SDCCAG8: variants seen among roughly 807,000 people sequenced by gnomAD.
SDCCAG8 encodes the protein SHH signaling and ciliogenesis regulator SDCCAG8, also known as serologically defined colon cancer antigen 8.
SDCCAG8 carries 74 observed loss-of-function variants against 101.8 expected under a neutral mutation model. The ratio of observed to expected loss-of-function variants is 0.73; its 90% CI spans 0.60 to 0.88. The LOEUF (loss-of-function observed/expected upper bound fraction) is 0.88, where lower values mean the gene tolerates loss of function less well. Ranked by LOEUF, SDCCAG8 falls within the 40% of genes least tolerant of loss-of-function variation. The pLI, the probability that SDCCAG8 is intolerant of heterozygous loss-of-function variation, is 0.00. For synonymous variants in SDCCAG8, 281 were observed against 292.9 expected, an observed-to-expected ratio of 0.96 and a Z score of 0.41; for missense variants, 787 against 822.6, an observed-to-expected ratio of 0.96 and a Z score of 0.53.
chr1:243,267,951 A>C, intron 1 of SDCCAG8: 1 of 788,590 alleles, frequency 1.3e-6, no homozygotes, highest in Non-Finnish European at 2.4e-6. Flanking sequence ...TTATATTGGC[A>C]AAATAATCAG....
intron 16 of SDCCAG8, among the ~76,000 whole-genome samples, chr1:243,450,598 G>A (rs935414406): frequency 1.3e-5 from 2 of 152,170 alleles, no homozygotes; most frequent in African/African-American, 4.8e-5. Context: ...TGAGTGGACA[G>A]CATAGGGTAT....
intron 17 of SDCCAG8, among the ~76,000 whole-genome samples, chr1:243,489,839 G>C (rs1665945452): frequency 6.6e-6 from 1 of 152,186 alleles, no homozygotes; most frequent in Admixed American, 6.5e-5. Flanking sequence ...GGTTAGATCC[G>C]GGGCCACCAG....
chr1:243,339,053 G>A (rs547443000), intron 10 of SDCCAG8: 8 of 141,994 alleles, frequency 5.6e-5, no homozygotes, highest in African/African-American at 1.9e-4. Flanking sequence ...AAAGTGGGGT[G>A]GGCGGCAGGA....
intron 13 of SDCCAG8, among the ~76,000 whole-genome samples, 181 bp from the exon 14 acceptor site, chr1:243,415,521 A>T (rs936554958): frequency 6.6e-6 from 1 of 152,202 alleles, no homozygotes; most frequent in African/African-American, 2.4e-5. Flanking sequence ...CACGTATTTA[A>T]CACTGTATGG....
At chr1:243,277,362 T>C (rs995109989) in intron 4 of SDCCAG8, among the ~76,000 whole-genome samples, 1 of 152,224 alleles carries the variant, frequency 6.6e-6, no homozygotes, top group Non-Finnish European at 1.5e-5. Context: ...TGGAACCTCA[T>C]TGCTGTTTTA....
intron 9 of SDCCAG8, among the ~76,000 whole-genome samples, chr1:243,323,205 C>T (rs1347376112): frequency 6.6e-6 from 1 of 151,840 alleles, no homozygotes; most frequent in Non-Finnish European, 1.5e-5. Flanking sequence ...GTTGTAGGTA[C>T]TGTTGAACAA....
intron 13 of SDCCAG8, among the ~76,000 whole-genome samples, chr1:243,385,703 C>T (rs1314695064): frequency 1.3e-5 from 2 of 152,102 alleles, no homozygotes; most frequent in Non-Finnish European, 2.9e-5. Flanking sequence ...GGCACGGTGG[C>T]TCATGCCTGT....
intron 12 of SDCCAG8, among the ~76,000 whole-genome samples, chr1:243,350,210 T>C (rs762706556): frequency 1.3e-5 from 2 of 151,982 alleles, no homozygotes; most frequent in African/African-American, 2.4e-5. Flanking sequence ...AGTCCTTTTT[T>C]CTTTCTTTTT....
chr1:243,447,842 G>C (rs1232139508), intron 16 of SDCCAG8, among the ~76,000 whole-genome samples: 1 of 152,088 alleles, frequency 6.6e-6, no homozygotes, highest in African/African-American at 2.4e-5. Flanking sequence ...GAAGGGTAAG[G>C]GGATATGGTG....
intron 16 of SDCCAG8, among the ~76,000 whole-genome samples, chr1:243,486,727 C>T (rs1664962610): frequency 6.6e-6 from 1 of 152,220 alleles, no homozygotes; most frequent in Non-Finnish European, 1.5e-5. Flanking sequence ...GCCCATCGGT[C>T]CAAAGGACCA....
chr1:243,404,743 C>CGTA (rs2079641868), intron 13 of SDCCAG8, among the ~76,000 whole-genome samples: 1 of 152,104 alleles, frequency 6.6e-6, no homozygotes, highest in Non-Finnish European at 1.5e-5. Flanking sequence ...AGAATACAGC[C>CGTA]GTAATTTCTG....
At chr1:243,434,858 G>A (rs1322864263) in intron 16 of SDCCAG8, among the ~76,000 whole-genome samples, 2 of 152,176 alleles carry the variant, frequency 1.3e-5, no homozygotes, top group African/African-American at 4.8e-5. Flanking sequence ...AAAGCAGGCT[G>A]TGCATTTACC....
intron 16 of SDCCAG8, among the ~76,000 whole-genome samples, chr1:243,461,457 C>T (rs973613552): frequency 2.0e-5 from 3 of 152,052 alleles, no homozygotes; most frequent in Non-Finnish European, 4.4e-5. Flanking sequence ...GCTTTAATTC[C>T]GCAGCATGGT....
chr1:243,385,518 G>A (rs1356818602), intron 13 of SDCCAG8, among the ~76,000 whole-genome samples: 2 of 152,206 alleles, frequency 1.3e-5, no homozygotes, highest in Non-Finnish European at 2.9e-5. Context: ...ACTGATTTTG[G>A]TAGGATTTGG....
At chr1:243,328,891 G>A (rs985076549) in intron 9 of SDCCAG8, among the ~76,000 whole-genome samples, 2 of 152,156 alleles carry the variant, frequency 1.3e-5, no homozygotes, top group Non-Finnish European at 2.9e-5. Flanking sequence ...CTCTTCTGCT[G>A]TTCCTATACT....
At chr1:243,262,980 A>G (rs2067303914) in intron 1 of SDCCAG8, among the ~76,000 whole-genome samples, 1 of 152,248 alleles carries the variant, frequency 6.6e-6, no homozygotes, top group African/African-American at 2.4e-5. Flanking sequence ...TCTGATAGAT[A>G]TAACACCTAT....
At chr1:243,267,605 G>GAAA (rs113992307) in intron 1 of SDCCAG8, 224 of 459,602 alleles carry the variant, frequency 4.9e-4, no homozygotes, top group Middle Eastern at 6.2e-4. Flanking sequence ...TCCCTCTCAA[G>GAAA]AAAAAAAAAA....
At chr1:243,334,546 A>T (rs1221894976) in intron 10 of SDCCAG8, among the ~76,000 whole-genome samples, 1 of 151,942 alleles carries the variant, frequency 6.6e-6, no homozygotes, top group East Asian at 1.9e-4. Flanking sequence ...TGCCTAGAGG[A>T]GTCTTCCTCT....
intron 13 of SDCCAG8, among the ~76,000 whole-genome samples, chr1:243,395,766 T>C (rs1267503646): frequency 6.6e-6 from 1 of 152,124 alleles, no homozygotes; most frequent in Non-Finnish European, 1.5e-5. Flanking sequence ...ATTATAACTG[T>C]TTAATCAGTC....
Sources: gnomAD v4.1 joint callset for allele counts (sites outside exome capture counted in the v4.1 genomes callset) on GRCh38, gnomAD v4.1.1 for gene constraint, MANE v1.5 for transcripts, NCBI Gene and HGNC (gene_info 2026-07-23, HGNC 2026-07-21) for gene names.